The following NLGN1 variants were observed in gnomAD, a reference collection of about 807,000 sequenced individuals.
NLGN1 encodes the protein neuroligin 1, also known as neuroligin-1.
A neutral mutation model predicts 65.5 loss-of-function variants in NLGN1; 12 were observed. The observed-to-expected ratio is 0.18, with a 90% confidence interval of 0.12 to 0.30. NLGN1 has a LOEUF of 0.30. Ranked by LOEUF, NLGN1 falls within the 10% of genes least tolerant of loss-of-function variation. NLGN1 has a pLI of 1.00. For missense variants in NLGN1, 750 were observed against 1,007.1 expected (o/e 0.74, Z 3.46); for synonymous variants, 350 against 359.5 (o/e 0.97, Z 0.30).
chr3:173,628,798 A>G (rs1755199471), intron 3 of NLGN1, among the ~76,000 whole-genome samples: 1 of 151,898 alleles, frequency 6.6e-6, no homozygotes, highest in Non-Finnish European at 1.5e-5. Context: ...GGCTCAAGCG[A>G]TTCTCCTAGC....
At chr3:173,477,648 A>T (rs1159473161) in intron 2 of NLGN1, among the ~76,000 whole-genome samples, 2 of 152,180 alleles carry the variant, frequency 1.3e-5, no homozygotes, top group African/African-American at 2.4e-5. Context: ...AAACTGAATA[A>T]TGAGAGAAAC....
chr3:173,958,192 G>A (rs551094413), intron 4 of NLGN1, among the ~76,000 whole-genome samples: 1 of 152,326 alleles, frequency 6.6e-6, no homozygotes, highest in South Asian at 2.1e-4. Context: ...CGAGCAAGGG[G>A]CATGTTTCAG....
chr3:173,658,603 C>T (rs1488876935), intron 3 of NLGN1, among the ~76,000 whole-genome samples: 4 of 151,932 alleles, frequency 2.6e-5, no homozygotes, highest in Non-Finnish European at 4.4e-5. Flanking sequence ...CTTACAGAAC[C>T]GGGAAAAATG....
chr3:173,944,124 G>GTTGTGTGT (rs34721217), intron 4 of NLGN1, among the ~76,000 whole-genome samples: 7,241 of 139,476 alleles, frequency 0.052, 238 homozygotes, highest in Middle Eastern at 0.094. Flanking sequence ...TAATATTATG[G>GTTGTGTGT]GTGTGTGTGT....
rs992151304 is a variant in NLGN1 at position 174,005,192 on chromosome 3, T to C, written c.646+197360T>C. 5.9e-5 allele frequency among the ~76,000 whole-genome samples: 9 copies of C among 152,308 alleles called. 1 individual carries two copies. The highest frequency in any genetic ancestry group is 1.9e-4 in the African/African-American group (8 of 41,580). ...TTTCATTGATGAACAAACTGGGATA[T>C]CAGAGGTGTAATGATTTTCCTTGAA... On this transcript the variant is annotated intron_variant, in intron 4 of 6. Coordinates refer to ENST00000457714, the Ensembl canonical transcript of NLGN1.
chr3:173,539,679 CAT>C (rs1446580324), intron 2 of NLGN1, among the ~76,000 whole-genome samples: 3 of 80,004 alleles, frequency 3.7e-5, no homozygotes, highest in Admixed American at 1.1e-4. Context: ...ACATATATAA[CAT>C]ACATATATGT....
At chr3:173,816,037 TATA>T (rs1240968417) in intron 4 of NLGN1, among the ~76,000 whole-genome samples, 3 of 138,530 alleles carry the variant, frequency 2.2e-5, no homozygotes, top group African/African-American at 5.5e-5. Context: ...AAATTATAAA[TATA>T]ATATAGTCAG....
At chr3:173,685,583 G>A in intron 3 of NLGN1, 1 of 912,168 alleles carries the variant, frequency 1.1e-6, no homozygotes, top group Non-Finnish European at 1.3e-6. Flanking sequence ...CAGGAAAAGA[G>A]GTTATTAAAG....
chr3:174,076,588 T>G (rs1276228745), intron 4 of NLGN1, among the ~76,000 whole-genome samples: 1 of 152,066 alleles, frequency 6.6e-6, no homozygotes. Flanking sequence ...CCTATACATC[T>G]TTCACAATCC....
intron 4 of NLGN1, among the ~76,000 whole-genome samples, chr3:173,979,919 T>G (rs927859684): frequency 6.6e-6 from 1 of 152,094 alleles, no homozygotes; most frequent in Non-Finnish European, 1.5e-5. Context: ...ATCTGGCACC[T>G]TATCAATAAC....
intron 4 of NLGN1, among the ~76,000 whole-genome samples, chr3:174,158,320 A>G (rs1412679667): frequency 6.6e-6 from 1 of 151,826 alleles, no homozygotes; most frequent in Admixed American, 6.6e-5. Flanking sequence ...GTATTCCTTG[A>G]ATGCCCACTA....
intron 2 of NLGN1, among the ~76,000 whole-genome samples, chr3:173,509,327 T>C (rs369949282): frequency 2.0e-4 from 30 of 152,318 alleles, no homozygotes; most frequent in African/African-American, 6.5e-4. Flanking sequence ...CATTTGACGC[T>C]TTTTTCCATA....
At chr3:173,665,316 G>A (rs1761543150) in intron 3 of NLGN1, among the ~76,000 whole-genome samples, 1 of 152,084 alleles carries the variant, frequency 6.6e-6, no homozygotes, top group South Asian at 2.1e-4. Context: ...CTGCCGCCAT[G>A]TGAAGAAGGA....
At chr3:174,048,773 A>C (rs1194129270) in intron 4 of NLGN1, among the ~76,000 whole-genome samples, 1 of 152,072 alleles carries the variant, frequency 6.6e-6, no homozygotes, top group East Asian at 1.9e-4. Flanking sequence ...ATACTTGAAG[A>C]TAAGATACAA....
chr3:173,466,231 G>T (rs1005453328), intron 2 of NLGN1, among the ~76,000 whole-genome samples: 2 of 152,172 alleles, frequency 1.3e-5, no homozygotes, highest in African/African-American at 4.8e-5. Flanking sequence ...TATCTAAGCT[G>T]TGGAGCCTGA....
intron 2 of NLGN1, among the ~76,000 whole-genome samples, chr3:173,445,254 C>G (rs1446133792): frequency 8.7e-6 from 1 of 115,524 alleles, no homozygotes; most frequent in Admixed American, 1.1e-4. Flanking sequence ...GGCGACAGAG[C>G]GAGACTCCGT....
chr3:173,788,398 A>G (rs977274006), intron 3 of NLGN1, among the ~76,000 whole-genome samples: 1 of 152,062 alleles, frequency 6.6e-6, no homozygotes, highest in Non-Finnish European at 1.5e-5. Flanking sequence ...TCCACTGTCA[A>G]TTAACCTATT....
intron 4 of NLGN1, among the ~76,000 whole-genome samples, chr3:174,066,515 A>AGTCTCT (rs1738581138): frequency 2.1e-5 from 1 of 47,982 alleles, no homozygotes; most frequent in Non-Finnish European, 4.6e-5. Context: ...TTATGGAACA[A>AGTCTCT]GTCTCTCTCT....
chr3:173,785,811 T>TCTCA (rs1781864747), intron 3 of NLGN1, among the ~76,000 whole-genome samples: 3 of 152,192 alleles, frequency 2.0e-5, no homozygotes, highest in Non-Finnish European at 4.4e-5. Flanking sequence ...GGCATTGTCT[T>TCTCA]CTCAAAGAGA....
Sources: gnomAD v4.1 joint callset for allele counts (sites outside exome capture counted in the v4.1 genomes callset) on GRCh38, gnomAD v4.1.1 for gene constraint, MANE v1.5 for transcripts, NCBI Gene and HGNC (gene_info 2026-07-23, HGNC 2026-07-21) for gene names.